ARSG: variants seen among roughly 807,000 people sequenced by gnomAD.
ARSG encodes arylsulfatase G, also known as ASG.
ARSG carries 37 observed loss-of-function variants against 50.5 expected under a neutral mutation model. The observed-to-expected ratio is 0.73, with a 90% CI of 0.56 to 0.96. ARSG has a LOEUF of 0.96. Ranked by LOEUF, ARSG falls within the 50% of genes least tolerant of loss-of-function variation. The pLI, the probability that ARSG is intolerant of heterozygous loss-of-function variation, is 0.00. For missense variants in ARSG, 629 were observed against 675.3 expected, an observed-to-expected ratio of 0.93 and a Z score of 0.76; for synonymous variants, 225 against 254.6, an observed-to-expected ratio of 0.88 and a Z score of 1.11.
downstream of ARSG, among the ~76,000 whole-genome samples, chr17:68,425,251 T>G (rs1224005033): frequency 6.6e-6 from 1 of 152,200 alleles, no homozygotes; most frequent in Admixed American, 6.5e-5. Context: ...TCACCTAGGC[T>G]GGAGTGCAGT....
chr17:68,360,970 G>T (rs541064010), intron 6 of ARSG, among the ~76,000 whole-genome samples: 2 of 151,980 alleles, frequency 1.3e-5, no homozygotes, highest in African/African-American at 4.8e-5. Flanking sequence ...GATTACAGGC[G>T]CCCGCCACCA....
intron 1 of ARSG, among the ~76,000 whole-genome samples, chr17:68,299,265 C>T (rs559708324): frequency 5.7e-4 from 87 of 151,922 alleles, no homozygotes; most frequent in African/African-American, 2.0e-3. Context: ...CCACCACGCC[C>T]GGCTAATTTT....
rs1043551435 is a variant in ARSG at position 68,378,292 on chromosome 17, G to A, written c.983-6772G>A. Among the ~76,000 whole-genome samples, 1 of 152,236 alleles carries A rather than the reference G, an allele frequency of 6.6e-6. No homozygotes were observed. The highest frequency in any genetic ancestry group is 2.4e-5 in the African/African-American group (1 of 41,466). ...AGTAGGACAAACAGTACCCGGAGTC[G>A]TGCAACTTTCTCCCTGAAGCCAGGC... On this transcript the variant is annotated intron_variant, in intron 8 of 11. Coordinates refer to ENST00000621439, the MANE Select transcript of ARSG (RefSeq NM_001267727.2). This position sits in a 1 kb window ranked among gnomAD's most constrained non-coding sequence, Gnocchi z 4.4.
the ARSG span, among the ~76,000 whole-genome samples, chr17:68,445,510 C>CT: frequency 0.12 from 18,205 of 152,234 alleles, 1,185 homozygotes; most frequent in South Asian, 0.21. Flanking sequence ...GGCTTCGGCC[C>CT]CATTTGAACA....
Position 68,343,584 on chromosome 17 carries a change from C to G in ARSG, c.219-20C>G. ...CTTCCTGTGGTTGGTGCGGTCCTGA[C>G]CACTGTCCTTTCCCTGCAGGTTTGT... is the stretch of plus-strand genomic sequence containing the variant. On this transcript the variant is annotated intron_variant, in intron 2 of 11. Coordinates refer to ENST00000621439, the MANE Select transcript of ARSG (RefSeq NM_001267727.2). The G allele has an allele frequency of 1.3e-6, 2 of 1,593,820 alleles. No homozygotes were observed. Among genetic ancestry groups the G allele is most frequent in the Non-Finnish European group, 1.7e-6 (2 of 1,167,864 alleles).
the ARSG span, among the ~76,000 whole-genome samples, chr17:68,450,381 C>G: frequency 6.6e-6 from 1 of 152,166 alleles, no homozygotes; most frequent in African/African-American, 2.4e-5. Context: ...CCAGAAGAGT[C>G]GCTCCTCTGA....
intron 5 of ARSG, among the ~76,000 whole-genome samples, chr17:68,354,541 A>G (rs993569021): frequency 6.6e-6 from 1 of 152,216 alleles, no homozygotes; most frequent in Non-Finnish European, 1.5e-5. Flanking sequence ...AAAAAGCTGA[A>G]AAATTCAACA....
chr17:68,443,516 A>G, the ARSG span, among the ~76,000 whole-genome samples: 2 of 152,250 alleles, frequency 1.3e-5, no homozygotes, highest in Non-Finnish European at 2.9e-5. Flanking sequence ...AGAAGGCATC[A>G]GAAGTATTTC....
chr17:68,379,966 A>G (rs2080349757), intron 8 of ARSG: 1 of 737,052 alleles, frequency 1.4e-6, no homozygotes, highest in African/African-American at 1.9e-5. Context: ...CTGACCTTTG[A>G]GCGACACGGA....
chr17:68,394,324 G>A (rs910633274), intron 9 of ARSG, among the ~76,000 whole-genome samples: 4 of 152,076 alleles, frequency 2.6e-5, no homozygotes, highest in Admixed American at 1.3e-4. Context: ...TGTTCTGATC[G>A]GGCGCAGTGG....
chr17:68,341,209 T>C (rs896718438), intron 2 of ARSG, among the ~76,000 whole-genome samples: 5 of 152,236 alleles, frequency 3.3e-5, no homozygotes, highest in African/African-American at 1.2e-4. Context: ...GTGGTCATAT[T>C]ACTGTTTATT....
At chr17:68,404,800 G>A (rs1482228669) in intron 11 of ARSG, among the ~76,000 whole-genome samples, 1 of 152,122 alleles carries the variant, frequency 6.6e-6, no homozygotes, top group African/African-American at 2.4e-5. Context: ...TTTTTAAAAA[G>A]AGTGTTAGTA....
In ARSG at chr17:68,282,735, A is replaced by C. The variant is rs555263462; in HGVS notation, c.-552+23309A>C. Among the ~76,000 whole-genome samples, 11 of 138,364 alleles carry C rather than the reference A, an allele frequency of 8.0e-5. No homozygotes were observed. In the South Asian group the frequency reaches 2.8e-3, roughly 35 times the overall value. 90.8% of individuals were successfully genotyped at this position (138,364 alleles called of 152,430 possible). On this transcript the variant is annotated intron_variant, in intron 1 of 11. Coordinates refer to the ARSG transcript ENST00000448504. ...GAGATGGGTGGATCATGAGGTCAGG[A>C]GTTTGAGAGCAGTCTGGCCAACATA...
chr17:68,358,709 G>A (rs932839272), intron 6 of ARSG, among the ~76,000 whole-genome samples: 3 of 151,334 alleles, frequency 2.0e-5, no homozygotes, highest in Non-Finnish European at 4.4e-5. Context: ...ATTAATACAA[G>A]TTATTAAATA....
intron 1 of ARSG, among the ~76,000 whole-genome samples, chr17:68,284,327 G>A (rs1413728191): frequency 5.3e-5 from 8 of 152,136 alleles, no homozygotes; most frequent in African/African-American, 1.9e-4. Flanking sequence ...CCGGGAGGCA[G>A]AGGTTGCAAT....
At chr17:68,446,698 CTT>C in the ARSG span, among the ~76,000 whole-genome samples, 7 of 152,218 alleles carry the variant, frequency 4.6e-5, no homozygotes, top group Admixed American at 2.0e-4. Context: ...CTGATATCCT[CTT>C]GTGTCCCCTC....
At chr17:68,389,515 G>A (rs1363445155) in intron 9 of ARSG, among the ~76,000 whole-genome samples, 1 of 152,028 alleles carries the variant, frequency 6.6e-6, no homozygotes, top group East Asian at 1.9e-4. Context: ...AACAATGCAG[G>A]AAAAAAGTTA....
intron 2 of ARSG, among the ~76,000 whole-genome samples, chr17:68,339,890 G>C (rs891934613): frequency 3.3e-5 from 5 of 152,186 alleles, no homozygotes; most frequent in African/African-American, 1.2e-4. Context: ...ATGCTCCGCG[G>C]TTGACACTCT....
intron 8 of ARSG, among the ~76,000 whole-genome samples, chr17:68,382,386 G>A (rs1255762461): frequency 6.6e-6 from 1 of 152,238 alleles, no homozygotes; most frequent in Non-Finnish European, 1.5e-5. Context: ...ATGCCAGGAA[G>A]CATGTATCAT....
Sources: gnomAD v4.1 joint callset for allele counts (sites outside exome capture counted in the v4.1 genomes callset) on GRCh38, gnomAD v4.1.1 for gene constraint, Gnocchi (gnomAD v3.1) non-coding constraint, MANE v1.5 for transcripts, NCBI Gene and HGNC (gene_info 2026-07-23, HGNC 2026-07-21) for gene names.